The following IL10RA variants were observed in gnomAD, a reference collection of about 807,000 sequenced individuals.
IL10RA encodes interleukin-10 receptor subunit alpha.
IL10RA carries 18 observed loss-of-function variants against 29.6 expected under a neutral mutation model. That is an observed-to-expected ratio of 0.61 (90% CI 0.42 to 0.90). IL10RA has a LOEUF of 0.90. Ranked by LOEUF, IL10RA falls within the 40% of genes least tolerant of loss-of-function variation. IL10RA has a pLI of 0.00. For synonymous variants in IL10RA, 292 were observed against 294.1 expected, an observed-to-expected ratio of 0.99 and a Z score of 0.07; for missense variants, 634 against 716.6, an observed-to-expected ratio of 0.88 and a Z score of 1.32.
At chr11:117,986,586 C>G (rs750321841) in intron 1 of IL10RA, 52 bp downstream of exon 1, 2 of 1,548,116 alleles carry the variant, frequency 1.3e-6, no homozygotes, top group South Asian at 2.4e-5. Flanking sequence ...CGCGCCCGCT[C>G]CATTAAAGTT....
chr11:117,999,918 C>A lies in IL10RA; in HGVS notation c.*277C>A. On this transcript the variant is annotated 3_prime_UTR_variant, in exon 7 of 7. Transcript: ENST00000227752. ...TGGCAGAGCTGAGAAGGGCAGGGACCTTCTCCCTCCTAGGAACTCTTTCCT... is the reference window on the plus strand; with the variant it reads ...TGGCAGAGCTGAGAAGGGCAGGGACATTCTCCCTCCTAGGAACTCTTTCCT... 1 of 633,236 alleles carries A rather than the reference C, an allele frequency of 1.6e-6. No homozygotes were observed. The highest frequency in any genetic ancestry group is 2.9e-6 in the Non-Finnish European group (1 of 341,816). The allele number at this position is 633,236 out of a possible 1,614,324, so 39.2% of individuals were successfully genotyped here. A position where few individuals can be genotyped will look rare whatever the true frequency, so the allele number is the denominator to read the frequency against.
At chr11:117,987,039 TCTC>T (rs1332749288) in intron 1 of IL10RA, 3 of 390,578 alleles carry the variant, frequency 7.7e-6, no homozygotes, top group South Asian at 3.8e-5. Flanking sequence ...CCCCTGCCTC[TCTC>T]CTCCTAACCC....
chr11:117,987,810 A>C, intron 1 of IL10RA: 1 of 183,396 alleles, frequency 5.5e-6, no homozygotes, highest in Non-Finnish European at 1.2e-5. Context: ...TTGCCCAGCC[A>C]GAGGTTGGAC....
In IL10RA at chr11:117,988,370, T is replaced by C. The variant is rs2058000715; in HGVS notation, c.68-12T>C. On this transcript the variant is annotated splice_polypyrimidine_tract_variant and intron_variant, in intron 1 of 6. Transcript: ENST00000227752. ...CCCCTCCCAGCTGTGGTACTGACACTCTTCTCCCCAGGGACAGAGCTGCCC... is the reference window on the plus strand; with the variant it reads ...CCCCTCCCAGCTGTGGTACTGACACCCTTCTCCCCAGGGACAGAGCTGCCC... 6.2e-7 allele frequency: 1 copy of C among 1,613,944 alleles called. No homozygotes were observed. The highest frequency in any genetic ancestry group is 1.3e-5 in the African/African-American group (1 of 74,910).
downstream of IL10RA, chr11:118,002,965 CAG>C (rs1220156612): frequency 2.6e-5 from 4 of 152,194 alleles, no homozygotes; most frequent in Non-Finnish European, 5.9e-5. Context: ...CCTCTTAGTA[CAG>C]AGAGGGGGTA....
At chr11:117,993,920 T>G in intron 4 of IL10RA, 79 bp from the exon 5 acceptor site, 1 of 1,327,876 alleles carries the variant, frequency 7.5e-7, no homozygotes, top group Non-Finnish European at 1.1e-6. Flanking sequence ...TGAAATCACC[T>G]CTAAAGGCCC....
chr11:118,001,991 A>C, downstream of IL10RA: 2 of 154,002 alleles, frequency 1.3e-5, no homozygotes, highest in Non-Finnish European at 1.4e-5. Flanking sequence ...GAACCTGGAA[A>C]CCCCTCCTTT....
intron 4 of IL10RA, 36 bp downstream of exon 4, chr11:117,993,446 C>A: frequency 6.3e-7 from 1 of 1,584,562 alleles, no homozygotes; most frequent in Non-Finnish European, 8.7e-7. Context: ...GCCAGAACTC[C>A]CTTGGCTTCC....
rs904071439 is a variant in IL10RA, at chr11:118,000,239, A to C, written c.*598A>C. 6.6e-6 allele frequency: 3 copies of C among 454,196 alleles called. 1 individual carries two copies. The highest frequency in any genetic ancestry group is 6.9e-4 in the Middle Eastern group (1 of 1,444). The allele number at this position is 454,196 out of a possible 1,614,324, so 28.1% of individuals were successfully genotyped here. A position where few individuals can be genotyped will look rare whatever the true frequency, so the allele number is the denominator to read the frequency against. On this transcript the variant is annotated 3_prime_UTR_variant, in exon 7 of 7. Transcript: ENST00000227752. ...AAGGTATATATTTTCTGGACACTCA[A>C]ACACATCATAATGGATTCACTGAGG...
At chr11:117,994,951 C>G (rs1451529551) in intron 5 of IL10RA, 1 of 162,212 alleles carries the variant, frequency 6.2e-6, no homozygotes, top group Admixed American at 5.7e-5. Context: ...ATCAGGCAGT[C>G]TTAAGAGTTT....
intron 3 of IL10RA, 54 bp from the exon 4 acceptor site, chr11:117,993,187 C>G (rs140904373): frequency 6.6e-7 from 1 of 1,524,222 alleles, no homozygotes; most frequent in Non-Finnish European, 9.1e-7. Context: ...GACACCCAGG[C>G]CCTCCTCAGC....
At chr11:117,995,765 C>T (rs2058052166) in intron 6 of IL10RA, 55 bp downstream of exon 6, 2 of 1,591,334 alleles carry the variant, frequency 1.3e-6, no homozygotes, top group South Asian at 2.2e-5. Flanking sequence ...CCCGAGCTTC[C>T]AGGAGGGCAG....
intron 3 of IL10RA, among the ~76,000 whole-genome samples, chr11:117,992,116 G>A (rs2058026485): frequency 6.6e-6 from 1 of 152,088 alleles, no homozygotes; most frequent in Non-Finnish European, 1.5e-5. Context: ...TCCATTGGTG[G>A]GCATTTCCAT....
rs12419129 is a variant in IL10RA, at chr11:117,993,041, A to G, written c.368-200A>G. 2.9e-3 allele frequency: 1,723 copies of G among 588,772 alleles called. 24 individuals carry two copies. In the Admixed American group the frequency reaches 0.032, roughly 11 times the overall value. The allele number at this position is 588,772 out of a possible 1,614,324, so 36.5% of individuals were successfully genotyped here. Reference sequence around the variant, plus strand: ...TCCATCATATTCCATTGGTTGATGCATCTGATTTTAGGGTATATGTATTTT... The same window carrying G: ...TCCATCATATTCCATTGGTTGATGCGTCTGATTTTAGGGTATATGTATTTT... On this transcript the variant is annotated intron_variant, in intron 3 of 6. Transcript: ENST00000227752.
rs771208738 is a variant in IL10RA, at chr11:117,993,981, C to A, written c.538-18C>A. 1 of 1,610,944 alleles carries A rather than the reference C, an allele frequency of 6.2e-7. No individual in the cohort carries two copies. The highest frequency in any genetic ancestry group is 1.1e-5 in the South Asian group (1 of 91,004). ...TGAAATAAAAGGATTTTGTTAATTG[C>A]TATCATTTTTGTTTCAGTTCACACA... On this transcript the variant is annotated intron_variant, in intron 4 of 6. Transcript: ENST00000227752.
chr11:117,998,954 C>G lies in IL10RA; in HGVS notation c.1050C>G (p.Asn350Lys). 6.2e-7 allele frequency: 1 copy of G among 1,613,442 alleles called. No homozygotes were observed. Residue 350 changes from asparagine (N) to lysine (K), a missense_variant, in exon 7 of 7, where the codon AAC becomes AAG. Transcript: ENST00000227752. ...PHPQADRTLG[N>K]REPPVLGDSC... ...CCCAGGCTGACAGAACGCTGGGAAA[C>G]AGGGAGCCCCCTGTGCTGGGGGACA...
At position 117,989,505 on chromosome 11, in the gene IL10RA, C is replaced by T. The variant is rs763662644; in HGVS notation, c.252C>T (p.Thr84=). 5.7e-5 allele frequency: 92 copies of T among 1,613,974 alleles called. No individual in the cohort carries two copies. The South Asian group carries it at 5.7e-4, about 10-fold the overall frequency. ...GCCAGACCCTGTCCTATGACCTTAC[C>T]GCAGTGACCTTGGACCTGTACCACA... ...NCSQTLSYDL[T]AVTLDLYHSN... is the part of the protein sequence containing the mutation. Residue 84 remains threonine, a synonymous_variant, in exon 3 of 7, where the codon ACC becomes ACT. Transcript: ENST00000227752. This position sits in a 1 kb window ranked among gnomAD's most constrained non-coding sequence, Gnocchi z 4.5.
chr11:117,990,553 C>T (rs865931474), intron 3 of IL10RA, among the ~76,000 whole-genome samples: 1 of 152,088 alleles, frequency 6.6e-6, no homozygotes, highest in Admixed American at 6.5e-5. Context: ...TACATACTTA[C>T]GTAATTAGGA....
At position 117,994,144 on chromosome 11, in the gene IL10RA, G is replaced by A. The variant is rs1314955642; in HGVS notation, c.683G>A (p.Arg228Lys). Residue 228 changes from arginine to lysine, a missense_variant, in exon 5 of 7, where the codon AGG (arginine) becomes AAG (lysine). Physicochemically the swap from Arg to Lys is conservative, Grantham distance 26. Coordinates refer to ENST00000227752, the MANE Select transcript of IL10RA (RefSeq NM_001558.4). The part of the protein sequence containing the change: ...WSKEECISLT[R>K]QYFTVTNVII... ...AAAGAGGAGTGCATCTCCCTCACCA[G>A]GCAGTGTGAGTCAGCTGGGCTGCTC... is the stretch of plus-strand genomic sequence containing the variant. The A allele has an allele frequency of 3.1e-6, 5 of 1,613,974 alleles. No individual in the cohort carries two copies. Among genetic ancestry groups the A allele is most frequent in the East Asian group, 2.2e-5 (1 of 44,884 alleles).
Sources: allele counts gnomAD v4.1 joint callset (sites outside exome capture counted in the v4.1 genomes callset), GRCh38; gene constraint gnomAD v4.1.1; non-coding constraint Gnocchi (gnomAD v3.1); transcripts MANE v1.5; gene names NCBI Gene and HGNC (gene_info 2026-07-23, HGNC 2026-07-21).